NOS1AP: variants seen among roughly 807,000 people sequenced by gnomAD.
NOS1AP encodes nitric oxide synthase 1 adaptor protein.
NOS1AP carries 21 observed loss-of-function variants against 56.2 expected under a neutral mutation model. That is an observed-to-expected ratio of 0.37 (90% confidence interval 0.26 to 0.54). The LOEUF is 0.54. Ranked by LOEUF, NOS1AP falls within the 20% of genes least tolerant of loss-of-function variation. The pLI is 0.84. For missense variants in NOS1AP, 522 were observed against 657.8 expected (o/e 0.79, Z 2.26); for synonymous variants, 270 against 274.6 (o/e 0.98, Z 0.17).
intron 3 of NOS1AP, among the ~76,000 whole-genome samples, chr1:162,294,032 G>A (rs1242551914): frequency 2.6e-5 from 4 of 152,162 alleles, no homozygotes; most frequent in Non-Finnish European, 5.9e-5. Flanking sequence ...TCTAGGTCCT[G>A]TGAGAAGCAG....
At chr1:162,098,501 T>A (rs1418747768) in intron 1 of NOS1AP, among the ~76,000 whole-genome samples, 1 of 152,088 alleles carries the variant, frequency 6.6e-6, no homozygotes, top group Non-Finnish European at 1.5e-5. Flanking sequence ...TGTCGTTTTT[T>A]TTTTTTCTCT....
Position 162,370,285 on chromosome 1 carries a change from T to G in NOS1AP, c.*2818T>G, listed in dbSNP as rs751229388. On this transcript the variant is annotated 3_prime_UTR_variant, in exon 10 of 10. Transcript: ENST00000361897. ...ATCTTGTTTAGGCGTTGTATTCCTT[T>G]TATTTACTCTTTGCTTGACTGCTTC... 3 of 152,204 alleles carry G rather than the reference T, an allele frequency of 2.0e-5. No homozygotes were observed. Among genetic ancestry groups the G allele is most frequent in the Non-Finnish European group, 4.4e-5 (3 of 68,052 alleles). 9.4% of individuals were successfully genotyped at this position (152,204 alleles called of 1,614,324 possible).
intron 2 of NOS1AP, among the ~76,000 whole-genome samples, chr1:162,242,811 A>T (rs980196330): frequency 2.0e-5 from 3 of 152,220 alleles, no homozygotes; most frequent in Non-Finnish European, 2.9e-5. Context: ...AGAAATTGCT[A>T]GTCTTCAGCA....
intron 1 of NOS1AP, among the ~76,000 whole-genome samples, chr1:162,095,261 G>A (rs1692214497): frequency 6.6e-6 from 1 of 152,166 alleles, no homozygotes; most frequent in African/African-American, 2.4e-5. Context: ...GGTCATGATA[G>A]CGTGGTCCTC....
At chr1:162,325,181 A>G (rs1338691989) in intron 4 of NOS1AP, among the ~76,000 whole-genome samples, 2 of 152,242 alleles carry the variant, frequency 1.3e-5, no homozygotes, top group African/African-American at 4.8e-5. Context: ...TGTGATTAAA[A>G]AGCCCTGTAT....
At chr1:162,362,982 T>C in intron 8 of NOS1AP, 2 of 901,988 alleles carry the variant, frequency 2.2e-6, no homozygotes, top group Non-Finnish European at 2.7e-6. Flanking sequence ...ACAACATACT[T>C]CTATGACCAA....
intron 1 of NOS1AP, among the ~76,000 whole-genome samples, chr1:162,107,512 T>C (rs1360905580): frequency 6.6e-6 from 1 of 152,192 alleles, no homozygotes; most frequent in Non-Finnish European, 1.5e-5. Context: ...TTATTTTTTG[T>C]TTTTAATTTT....
chr1:162,148,925 C>T (rs758944299), intron 1 of NOS1AP, among the ~76,000 whole-genome samples: 7 of 151,944 alleles, frequency 4.6e-5, no homozygotes, highest in Non-Finnish European at 8.8e-5. Context: ...TTAGCTGTGA[C>T]GGGTAAGGGA....
intron 2 of NOS1AP, among the ~76,000 whole-genome samples, chr1:162,247,215 G>A (rs1412060200): frequency 1.3e-5 from 2 of 152,114 alleles, no homozygotes; most frequent in African/African-American, 4.8e-5. Context: ...GATTGGAAAG[G>A]CATTTTCTCC....
At chr1:162,279,485 C>T (rs552481886) in intron 2 of NOS1AP, among the ~76,000 whole-genome samples, 2 of 152,162 alleles carry the variant, frequency 1.3e-5, no homozygotes, top group East Asian at 1.9e-4. Flanking sequence ...GTGCATGAAC[C>T]GCTCTTCCAC....
chr1:162,104,141 G>A (rs1039364066), intron 1 of NOS1AP, among the ~76,000 whole-genome samples: 1 of 152,160 alleles, frequency 6.6e-6, no homozygotes, highest in Non-Finnish European at 1.5e-5. Context: ...ATCTGAAAAG[G>A]ATCTTATTTC....
intron 2 of NOS1AP, among the ~76,000 whole-genome samples, chr1:162,179,647 A>G (rs1345025949): frequency 5.9e-5 from 9 of 152,204 alleles, no homozygotes; most frequent in Admixed American, 5.2e-4. Context: ...GGCTTCACAG[A>G]GGCTGTGATC....
At chr1:162,213,648 T>C (rs1474708511) in intron 2 of NOS1AP, among the ~76,000 whole-genome samples, 4 of 152,238 alleles carry the variant, frequency 2.6e-5, no homozygotes, top group Admixed American at 1.3e-4. Flanking sequence ...TTCTTGACTT[T>C]GGTCAGGCTG....
At chr1:162,192,007 G>A (rs1327225354) in intron 2 of NOS1AP, among the ~76,000 whole-genome samples, 1 of 152,134 alleles carries the variant, frequency 6.6e-6, no homozygotes, top group East Asian at 1.9e-4. Context: ...TAATGCCAGT[G>A]TTTTTGGGCT....
At chr1:162,294,643 A>G (rs1655392799) in intron 3 of NOS1AP, among the ~76,000 whole-genome samples, 1 of 152,206 alleles carries the variant, frequency 6.6e-6, no homozygotes, top group South Asian at 2.1e-4. Context: ...TTCATAAACA[A>G]AGAGAAGAGG....
intron 4 of NOS1AP, among the ~76,000 whole-genome samples, chr1:162,303,482 C>G (rs1489471176): frequency 6.6e-6 from 1 of 152,008 alleles, no homozygotes; most frequent in Non-Finnish European, 1.5e-5. Flanking sequence ...ACTCTGTCAC[C>G]CAGGCTGGAG....
At chr1:162,301,806 AT>A (rs1655673355) in intron 4 of NOS1AP, among the ~76,000 whole-genome samples, 1 of 152,190 alleles carries the variant, frequency 6.6e-6, no homozygotes, top group Non-Finnish European at 1.5e-5. Context: ...CCGCTCTCAA[AT>A]TATTGCCATG....
intron 6 of NOS1AP, among the ~76,000 whole-genome samples, chr1:162,351,001 A>C (rs1350241492): frequency 6.6e-6 from 1 of 152,230 alleles, no homozygotes; most frequent in African/African-American, 2.4e-5. Flanking sequence ...TTTCATGTAC[A>C]CAAATGTTGT....
intron 4 of NOS1AP, among the ~76,000 whole-genome samples, chr1:162,309,891 G>A (rs774189534): frequency 3.9e-5 from 6 of 152,162 alleles, no homozygotes; most frequent in Non-Finnish European, 8.8e-5. Flanking sequence ...TTTTCAAAAT[G>A]TGCTTATATA....
Sources: allele counts gnomAD v4.1 joint callset (sites outside exome capture counted in the v4.1 genomes callset), GRCh38; gene constraint gnomAD v4.1.1; transcripts MANE v1.5; gene names NCBI Gene and HGNC (gene_info 2026-07-23, HGNC 2026-07-21).